Variants in ROBO2 observed in about 807,000 individuals in gnomAD.
The protein encoded by ROBO2 is roundabout homolog 2.
A neutral mutation model predicts 160.8 loss-of-function variants in ROBO2; 53 were observed. That is an observed-to-expected ratio of 0.33 (90% confidence interval 0.26 to 0.41). The LOEUF (loss-of-function observed/expected upper bound fraction) is 0.41. Among genes scored for constraint, ROBO2 ranks in the 10% least tolerant of loss-of-function variants. ROBO2 has a pLI of 1.00. For missense variants in ROBO2, 1,577 were observed against 1,722.4 expected (o/e 0.92, Z 1.49); for synonymous variants, 664 against 611.7 (o/e 1.09, Z -1.26).
At chr3:77,401,993 A>G (rs1364152323) in intron 2 of ROBO2, among the ~76,000 whole-genome samples, 1 of 152,180 alleles carries the variant, frequency 6.6e-6, no homozygotes. Context: ...TGTTTATTGC[A>G]GCACTATTCA....
At chr3:76,170,117 C>T (rs1302711269) in intron 2 of ROBO2, among the ~76,000 whole-genome samples, 1 of 152,050 alleles carries the variant, frequency 6.6e-6, no homozygotes, top group Non-Finnish European at 1.5e-5. Flanking sequence ...TACTCATTCC[C>T]ACATATTCCA....
At chr3:76,002,074 T>C (rs556351947) in intron 2 of ROBO2, among the ~76,000 whole-genome samples, 1 of 152,146 alleles carries the variant, frequency 6.6e-6, no homozygotes, top group East Asian at 1.9e-4. Context: ...AACAGTGTTA[T>C]GGGTTGAATT....
chr3:76,345,169 C>T (rs188899692), intron 2 of ROBO2, among the ~76,000 whole-genome samples: 230 of 152,034 alleles, frequency 1.5e-3, no homozygotes, highest in Middle Eastern at 6.8e-3. Context: ...GGAGGTGTGT[C>T]GGGGAGGAGG....
At chr3:76,063,263 G>A (rs180967305) in intron 2 of ROBO2, among the ~76,000 whole-genome samples, 16 of 152,056 alleles carry the variant, frequency 1.1e-4, no homozygotes, top group African/African-American at 3.4e-4. Context: ...GTTACTGGGC[G>A]AAGTCTAAAA....
intron 2 of ROBO2, among the ~76,000 whole-genome samples, chr3:76,294,837 A>G (rs1708987911): frequency 2.6e-5 from 4 of 152,202 alleles, no homozygotes; most frequent in Admixed American, 2.6e-4. Flanking sequence ...AAATTTGATA[A>G]CTTCAATGAG....
chr3:77,151,674 GC>G (rs1268631076), intron 2 of ROBO2, among the ~76,000 whole-genome samples: 2 of 152,100 alleles, frequency 1.3e-5, no homozygotes, highest in East Asian at 3.9e-4. Flanking sequence ...TTTACCAAGT[GC>G]CCAACACATT....
Position 76,973,845 on chromosome 3 carries a change from A to G in ROBO2, c.110-124169A>G, listed in dbSNP as rs532670695. Among the ~76,000 whole-genome samples, 4 of 152,298 alleles carry G rather than the reference A, an allele frequency of 2.6e-5. No homozygotes were observed. The South Asian group carries it at 6.2e-4, about 24-fold the overall frequency. On this transcript the variant is annotated intron_variant, in intron 2 of 26. Coordinates refer to the ROBO2 transcript ENST00000487694. ...CGTCTAGTTCAAAACACAGTAGACAATATCACCTTGTAATGGGGCTTTGAC... is the reference window on the plus strand; with the variant it reads ...CGTCTAGTTCAAAACACAGTAGACAGTATCACCTTGTAATGGGGCTTTGAC...
At chr3:77,458,030 G>A (rs979613554) in intron 2 of ROBO2, among the ~76,000 whole-genome samples, 1 of 152,046 alleles carries the variant, frequency 6.6e-6, no homozygotes, top group African/African-American at 2.4e-5. Flanking sequence ...CTCTTTGCCA[G>A]GTATGTGCTA....
chr3:76,655,776 G>A (rs1043353317), intron 2 of ROBO2, among the ~76,000 whole-genome samples: 1 of 149,536 alleles, frequency 6.7e-6, no homozygotes, highest in African/African-American at 2.5e-5. Flanking sequence ...AAAGAAGGAA[G>A]GAAGGGATGA....
chr3:77,216,890 C>T (rs1201588590), intron 2 of ROBO2, among the ~76,000 whole-genome samples: 2 of 151,896 alleles, frequency 1.3e-5, no homozygotes, highest in Non-Finnish European at 2.9e-5. Context: ...AAAAAAATCA[C>T]TCTTATCAAG....
chr3:77,478,298 C>T (rs2084283274), intron 3 of ROBO2, among the ~76,000 whole-genome samples: 1 of 152,068 alleles, frequency 6.6e-6, no homozygotes, highest in South Asian at 2.1e-4. Flanking sequence ...ATGCTTTTTC[C>T]AGTTTTTCCA....
rs1303097775 is a variant in ROBO2, at chr3:77,609,807, TA to T, written c.3293+1854del. ...TTATATATACATATATATATATATA[TA>T]TATTTATATGTATGTATGTAGTTTG... On this transcript the variant is annotated intron_variant, in intron 21 of 25. Transcript: ENST00000461745. Among the ~76,000 whole-genome samples, 8 of 147,962 alleles carry T rather than the reference TA, an allele frequency of 5.4e-5. No homozygotes were observed. The East Asian group carries it at 1.6e-3, about 29-fold the overall frequency.
intron 2 of ROBO2, among the ~76,000 whole-genome samples, chr3:76,860,285 C>T (rs1222166814): frequency 6.6e-6 from 1 of 152,102 alleles, no homozygotes; most frequent in Non-Finnish European, 1.5e-5. Context: ...CATATTCTTT[C>T]CTCAATGGCC....
chr3:76,064,512 A>G (rs1012534831), intron 2 of ROBO2, among the ~76,000 whole-genome samples: 1 of 152,204 alleles, frequency 6.6e-6, no homozygotes, highest in Non-Finnish European at 1.5e-5. Flanking sequence ...TCTGATGACC[A>G]AATTTAAAGG....
chr3:76,147,611 C>T (rs2071967186), intron 2 of ROBO2, among the ~76,000 whole-genome samples: 1 of 151,982 alleles, frequency 6.6e-6, no homozygotes, highest in South Asian at 2.1e-4. Context: ...GGTTCCATAA[C>T]ATATATGCTC....
intron 2 of ROBO2, among the ~76,000 whole-genome samples, chr3:77,177,609 A>AT (rs1274622018): frequency 1.3e-5 from 2 of 151,864 alleles, no homozygotes; most frequent in Admixed American, 1.3e-4. Flanking sequence ...CTATTCTTAA[A>AT]TTTTTTGCCA....
At chr3:77,389,949 A>G (rs2074544632) in intron 2 of ROBO2, among the ~76,000 whole-genome samples, 1 of 152,190 alleles carries the variant, frequency 6.6e-6, no homozygotes, top group African/African-American at 2.4e-5. Context: ...TGATCATGTC[A>G]AACGCATTCA....
intron 7 of ROBO2, among the ~76,000 whole-genome samples, chr3:77,550,330 G>A (rs1346372679): frequency 6.6e-6 from 1 of 151,998 alleles, no homozygotes; most frequent in African/African-American, 2.4e-5. Context: ...ACAACTTTGG[G>A]AGAAATTCAG....
chr3:76,188,989 C>T (rs1052211626), intron 2 of ROBO2, among the ~76,000 whole-genome samples: 3 of 151,990 alleles, frequency 2.0e-5, no homozygotes, highest in Non-Finnish European at 2.9e-5. Flanking sequence ...TCTTGTAATC[C>T]GTGGAAGCAG....
Sources: gnomAD v4.1 joint callset for allele counts (sites outside exome capture counted in the v4.1 genomes callset) on GRCh38, gnomAD v4.1.1 for gene constraint, MANE v1.5 for transcripts, NCBI Gene and HGNC (gene_info 2026-07-23, HGNC 2026-07-21) for gene names.